The following COL5A1 variants were observed in gnomAD, a reference collection of about 807,000 sequenced individuals.
The protein encoded by COL5A1 is collagen type V alpha 1 chain.
A neutral mutation model predicts 263.7 loss-of-function variants in COL5A1; 16 were observed. The ratio of observed to expected loss-of-function variants is 0.06; its 90% CI spans 0.04 to 0.09. The LOEUF is 0.09. COL5A1 is among the 10% of genes least tolerant of loss of function. The pLI is 1.00. For missense variants in COL5A1, 2,036 were observed against 2,540.5 expected (o/e 0.80, Z 4.27); for synonymous variants, 1,012 against 1,004.5 (o/e 1.01, Z -0.14).
intron 1 of COL5A1, among the ~76,000 whole-genome samples, chr9:134,661,358 G>T (rs11103460): frequency 6.6e-6 from 1 of 150,810 alleles, no homozygotes; most frequent in Non-Finnish European, 1.5e-5. Context: ...ATCTTTCAAG[G>T]GGTCCCCAAG....
At chr9:134,796,694 A>C (rs1164961083) in intron 35 of COL5A1, among the ~76,000 whole-genome samples, 154 bp from the exon 36 acceptor site, 1 of 152,128 alleles carries the variant, frequency 6.6e-6, no homozygotes, top group African/African-American at 2.4e-5. Flanking sequence ...AGGGTGAGGC[A>C]GGGTGAGGGA....
chr9:134,670,907 T>C (rs1408693653), intron 1 of COL5A1, among the ~76,000 whole-genome samples: 1 of 152,162 alleles, frequency 6.6e-6, no homozygotes, highest in African/African-American at 2.4e-5. Context: ...GTGGCTGCAC[T>C]AAACGCATGT....
At position 134,842,312 on chromosome 9, in the gene COL5A1, G is replaced by A. The variant is rs370488974; in HGVS notation, c.*9G>A. On this transcript the variant is annotated 3_prime_UTR_variant, in exon 66 of 66. Transcript: ENST00000371817. The surrounding 1 kb of genome is among the most constrained non-coding windows in gnomAD (Gnocchi z 5.8). The stretch of plus-strand genomic sequence containing the variant: ...CTTGCTTCATGGGCTAGGAGCCGCC[G>A]AGCCCGGGCTCCCGAGAGCAACCTC... The A allele has an allele frequency of 4.3e-5, 70 of 1,613,868 alleles. No homozygotes were observed. The highest frequency in any genetic ancestry group is 1.7e-4 in the Admixed American group (10 of 59,998).
intron 11 of COL5A1, among the ~76,000 whole-genome samples, chr9:134,749,199 C>T (rs1436200161): frequency 6.6e-6 from 1 of 152,152 alleles, no homozygotes; most frequent in African/African-American, 2.4e-5. Flanking sequence ...CATGCCACTG[C>T]ACTCCAGCCT....
At chr9:134,729,997 C>G (rs951337072) in intron 6 of COL5A1, among the ~76,000 whole-genome samples, 2 of 152,222 alleles carry the variant, frequency 1.3e-5, no homozygotes, top group African/African-American at 4.8e-5. Context: ...TGAGTCCATT[C>G]TGAGCACGCT....
At chr9:134,654,484 A>T (rs1363369878) in intron 1 of COL5A1, among the ~76,000 whole-genome samples, 2 of 34,840 alleles carry the variant, frequency 5.7e-5, no homozygotes, top group Non-Finnish European at 1.0e-4. Flanking sequence ...GTAGGGCTGG[A>T]GTTGTGTAGA....
chr9:134,799,605 C>T (rs1838036831), intron 37 of COL5A1, among the ~76,000 whole-genome samples: 1 of 152,182 alleles, frequency 6.6e-6, no homozygotes, highest in Non-Finnish European at 1.5e-5. Context: ...TCTCTGAGTG[C>T]CCTGTTGAAT....
rs566749703 is a variant in COL5A1 at position 134,681,587 on chromosome 9, C to T, written c.110-9325C>T. Among the ~76,000 whole-genome samples the T allele has an allele frequency of 3.9e-5, 6 of 152,162 alleles. No homozygotes were observed. Among genetic ancestry groups the T allele is most frequent in the South Asian group, 2.1e-4 (1 of 4,722 alleles). On this transcript the variant is annotated intron_variant, in intron 1 of 65. Transcript: ENST00000371817. This position sits in a 1 kb window ranked among gnomAD's most constrained non-coding sequence, Gnocchi z 4.3. ...TGTCACTGGCTCCAGAGTGGAATAG[C>T]GCTTGGGACTGGGGTGGACTGGGCA... is the stretch of plus-strand genomic sequence containing the variant.
At chr9:134,695,100 C>T (rs1588444336) in intron 2 of COL5A1, among the ~76,000 whole-genome samples, 2 of 152,218 alleles carry the variant, frequency 1.3e-5, no homozygotes, top group Admixed American at 1.3e-4. Context: ...ACGCATCCTC[C>T]TCCTCGGCTC....
chr9:134,780,387 C>T (rs1389554458), intron 28 of COL5A1, among the ~76,000 whole-genome samples: 1 of 152,162 alleles, frequency 6.6e-6, no homozygotes, highest in Admixed American at 6.5e-5. Context: ...TGAGTGGGTC[C>T]AGGGTTTGTG....
chr9:134,817,883 CCCAGAGGGTGGGGAGT>C, intron 54 of COL5A1, 52 bp downstream of exon 54: 1 of 1,531,316 alleles, frequency 6.5e-7, no homozygotes, highest in Non-Finnish European at 8.9e-7. Context: ...CCCAGGGGAG[CCCAGAGGGTGGGGAGT>C]GGACAAGCGT....
intron 32 of COL5A1, among the ~76,000 whole-genome samples, chr9:134,792,793 GTGCATGTGTGCGTGCA>G (rs1318916101): frequency 5.8e-5 from 8 of 137,662 alleles, no homozygotes; most frequent in African/African-American, 2.4e-4. Flanking sequence ...ATATGTGTGT[GTGCATGTGTGCGTGCA>G]TGTGTGTGCA....
At chr9:134,728,537 C>T (rs1834740925) in intron 5 of COL5A1, 133 bp from the exon 6 acceptor site, 10 of 1,269,974 alleles carry the variant, frequency 7.9e-6, no homozygotes, top group Non-Finnish European at 1.0e-5. Flanking sequence ...TCCGGGGACC[C>T]ACAGGGAGGT....
intron 9 of COL5A1, 99 bp from the exon 10 acceptor site, chr9:134,738,375 C>T: frequency 7.4e-7 from 1 of 1,346,442 alleles, no homozygotes; most frequent in African/African-American, 1.4e-5. Context: ...TGAGCCAGGG[C>T]CTCTTGTGCA....
intron 11 of COL5A1, among the ~76,000 whole-genome samples, chr9:134,745,038 T>C (rs925197454): frequency 2.0e-5 from 3 of 152,242 alleles, no homozygotes; most frequent in African/African-American, 4.8e-5. Context: ...AGCCTGGTCG[T>C]GAATGACTTC....
intron 1 of COL5A1, among the ~76,000 whole-genome samples, chr9:134,670,126 G>A (rs1230946001): frequency 6.6e-6 from 1 of 152,098 alleles, no homozygotes; most frequent in East Asian, 1.9e-4. Flanking sequence ...ATATCTCAAC[G>A]GCTGCTGAAC....
At chr9:134,784,146 G>A (rs1027332292) in intron 29 of COL5A1, among the ~76,000 whole-genome samples, 4 of 152,210 alleles carry the variant, frequency 2.6e-5, no homozygotes, top group African/African-American at 9.6e-5. Context: ...AATGTGTGCC[G>A]GGTTATTTTG....
chr9:134,818,837 CTG>C lies in COL5A1; in HGVS notation c.4339-7_4339-6del. On this transcript the variant is annotated splice_polypyrimidine_tract_variant and intron_variant, in intron 55 of 65. Coordinates refer to ENST00000371817, the MANE Select transcript of COL5A1 (RefSeq NM_000093.5). This position sits in a 1 kb window ranked among gnomAD's most constrained non-coding sequence, Gnocchi z 6.0. ...GACCAGCAACTCATGCAGAGCGTCT[CTG>C]TGTTTCAGGGAGAACAAGGTCTCCC... 3 of 1,613,240 alleles carry C rather than the reference CTG, an allele frequency of 1.9e-6. No individual in the cohort carries two copies. The highest frequency in any genetic ancestry group is 1.6e-4 in the Middle Eastern group (1 of 6,062).
At chr9:134,646,331 G>A (rs1368900270) in intron 1 of COL5A1, among the ~76,000 whole-genome samples, 1 of 151,694 alleles carries the variant, frequency 6.6e-6, no homozygotes, top group African/African-American at 2.4e-5. Flanking sequence ...GAGCTGGGGA[G>A]CTTCCTGGAG....
Sources: allele counts gnomAD v4.1 joint callset (sites outside exome capture counted in the v4.1 genomes callset), GRCh38; gene constraint gnomAD v4.1.1; non-coding constraint Gnocchi (gnomAD v3.1); transcripts MANE v1.5; gene names NCBI Gene and HGNC (gene_info 2026-07-23, HGNC 2026-07-21).